Variants in EVI5 observed in about 807,000 individuals in gnomAD.
EVI5 encodes the protein ecotropic viral integration site 5.
In EVI5, 73 loss-of-function variants were observed where a neutral mutation model predicts 112.0. That is an observed-to-expected ratio of 0.65 (90% CI 0.54 to 0.79). The LOEUF (loss-of-function observed/expected upper bound fraction) is 0.79. Ranked by LOEUF, EVI5 falls within the 30% of genes least tolerant of loss-of-function variation. The probability of loss-of-function intolerance (pLI) is 0.00; values close to 1 mark genes in which losing one functional copy is unlikely to be tolerated. For missense variants in EVI5, 900 were observed against 968.8 expected, an observed-to-expected ratio of 0.93 and a Z score of 0.94; for synonymous variants, 305 against 319.9, an observed-to-expected ratio of 0.95 and a Z score of 0.50.
intron 9 of EVI5, among the ~76,000 whole-genome samples, chr1:92,682,334 C>T (rs957660029): frequency 3.9e-5 from 6 of 152,176 alleles, no homozygotes; most frequent in Non-Finnish European, 1.5e-5. Flanking sequence ...CTTTATCTGG[C>T]TTTGTTTTCT....
chr1:92,666,281 G>A (rs114873683), intron 10 of EVI5, among the ~76,000 whole-genome samples: 3,140 of 151,754 alleles, frequency 0.021, 123 homozygotes, highest in African/African-American at 0.071. Flanking sequence ...TCGTCTCTAT[G>A]AAAACTACAC....
chr1:92,585,791 G>C (rs1258254934), intron 18 of EVI5, among the ~76,000 whole-genome samples: 5 of 151,248 alleles, frequency 3.3e-5, no homozygotes, highest in African/African-American at 1.2e-4. Flanking sequence ...AACCAATATT[G>C]ATACATTACT....
chr1:92,722,030 C>T (rs1674832872), intron 2 of EVI5, among the ~76,000 whole-genome samples: 1 of 103,102 alleles, frequency 9.7e-6, no homozygotes, highest in African/African-American at 3.9e-5. Context: ...CCTGCCCCAA[C>T]TTCATGTCCC....
At chr1:92,633,055 C>T (rs1295439654) in intron 14 of EVI5, among the ~76,000 whole-genome samples, 2 of 152,186 alleles carry the variant, frequency 1.3e-5, no homozygotes, top group African/African-American at 2.4e-5. Context: ...GTTATAATTT[C>T]TGTTCTTTTA....
chr1:92,567,646 C>A (rs752888264), intron 18 of EVI5, among the ~76,000 whole-genome samples: 1 of 151,944 alleles, frequency 6.6e-6, no homozygotes, highest in Non-Finnish European at 1.5e-5. Context: ...GCTATACCAT[C>A]TGGGTTTGTG....
chr1:92,575,676 T>G (rs1365032907), intron 18 of EVI5, among the ~76,000 whole-genome samples: 1 of 150,618 alleles, frequency 6.6e-6, no homozygotes, highest in Non-Finnish European at 1.5e-5. Context: ...TTCAAGCGAT[T>G]CTCATGCCTC....
Position 92,658,574 on chromosome 1 carries a change from T to C in EVI5, c.1392+4145A>G, listed in dbSNP as rs185707974. 2.1e-3 allele frequency among the ~76,000 whole-genome samples: 327 copies of C among 152,216 alleles called. 2 individuals are homozygous for C. Among genetic ancestry groups the C allele is most frequent in the African/African-American group, 7.4e-3 (308 of 41,550 alleles). ...AACTTCAAAATACTGATGAAATAAA[T>C]TGCGGATGACACCAACAAATGGAAA... is the stretch of plus-strand genomic sequence containing the variant. On this transcript the variant is annotated intron_variant, in intron 13 of 19. Transcript: ENST00000684568.
chr1:92,618,159 T>G (rs1451590525), intron 16 of EVI5, among the ~76,000 whole-genome samples: 3 of 152,194 alleles, frequency 2.0e-5, no homozygotes. Context: ...CATATGGTAC[T>G]GTTTCTCCCA....
Position 92,704,653 on chromosome 1 carries a change from T to C in EVI5, c.241A>G (p.Ser81Gly). 1 of 1,605,534 alleles carries C rather than the reference T, an allele frequency of 6.2e-7. No homozygotes were observed. Among genetic ancestry groups the C allele is most frequent in the Non-Finnish European group, 8.5e-7 (1 of 1,174,392 alleles). Residue 81 changes from serine to glycine, a missense_variant, in exon 3 of 20, where the codon AGC becomes GGC. Transcript: ENST00000684568. ...SSLVSSSSASSNLSHLEEDSW... is the reference protein window; with the variant it reads ...SSLVSSSSASGNLSHLEEDSW... ...TCTTCTTCAAGGTGACTGAGGTTGCTAGAGGCTGATGAACTCGACACAAGA... is the reference window on the plus strand; with the variant it reads ...TCTTCTTCAAGGTGACTGAGGTTGCCAGAGGCTGATGAACTCGACACAAGA...
upstream of EVI5, among the ~76,000 whole-genome samples, chr1:92,788,508 A>T (rs1685833788): frequency 6.6e-6 from 1 of 151,296 alleles, no homozygotes; most frequent in African/African-American, 2.4e-5. Flanking sequence ...AAACAAAAAA[A>T]AAACTAGGCA....
At chr1:92,716,996 A>C (rs1272724483) in intron 2 of EVI5, among the ~76,000 whole-genome samples, 1 of 152,220 alleles carries the variant, frequency 6.6e-6, no homozygotes, top group Middle Eastern at 3.4e-3. Flanking sequence ...GAGCTAAAGG[A>C]GGATGTTCGA....
At chr1:92,548,205 A>G (rs1052963673) in intron 19 of EVI5, among the ~76,000 whole-genome samples, 1 of 152,228 alleles carries the variant, frequency 6.6e-6, no homozygotes, top group East Asian at 1.9e-4. Flanking sequence ...ACGAAAATCA[A>G]TAAATGTAAT....
At chr1:92,716,617 G>C (rs1313294301) in intron 2 of EVI5, among the ~76,000 whole-genome samples, 1 of 151,198 alleles carries the variant, frequency 6.6e-6, no homozygotes, top group African/African-American at 2.4e-5. Flanking sequence ...GATGGAGAAT[G>C]ACTTTGAGGA....
intron 14 of EVI5, among the ~76,000 whole-genome samples, chr1:92,629,902 T>G (rs1354999154): frequency 6.8e-6 from 1 of 147,926 alleles, no homozygotes; most frequent in Non-Finnish European, 1.5e-5. Flanking sequence ...CACCTATGAG[T>G]GAGAACATGT....
intron 10 of EVI5, among the ~76,000 whole-genome samples, chr1:92,667,578 C>A (rs1362152228): frequency 6.6e-6 from 1 of 152,062 alleles, no homozygotes; most frequent in Non-Finnish European, 1.5e-5. Context: ...GCATATCCAC[C>A]AGTATAATTG....
chr1:92,623,352 C>A (rs1240886287), intron 16 of EVI5, among the ~76,000 whole-genome samples: 1 of 152,106 alleles, frequency 6.6e-6, no homozygotes, highest in African/African-American at 2.4e-5. Flanking sequence ...TCATTTTGCA[C>A]TGGAATACAG....
intron 16 of EVI5, among the ~76,000 whole-genome samples, chr1:92,612,411 A>G (rs371566557): frequency 5.3e-5 from 8 of 152,274 alleles, no homozygotes; most frequent in South Asian, 2.1e-4. Context: ...TACCCTTCCA[A>G]TGAAAAAAGA....
chr1:92,547,062 T>C (rs12732057), intron 19 of EVI5, among the ~76,000 whole-genome samples: 1 of 152,084 alleles, frequency 6.6e-6, no homozygotes, highest in African/African-American at 2.4e-5. Flanking sequence ...TCAGCACCAC[T>C]TCACACTTAT....
intron 1 of EVI5, among the ~76,000 whole-genome samples, chr1:92,781,725 T>G (rs941448352): frequency 6.6e-6 from 1 of 151,478 alleles, no homozygotes; most frequent in Admixed American, 6.6e-5. Context: ...GAGGCTGGTG[T>G]AGGTGTATGA....
Sources: gnomAD v4.1 joint callset for allele counts (sites outside exome capture counted in the v4.1 genomes callset) on GRCh38, gnomAD v4.1.1 for gene constraint, MANE v1.5 for transcripts, NCBI Gene and HGNC (gene_info 2026-07-23, HGNC 2026-07-21) for gene names.